Variants in KAT14 observed in about 807,000 individuals in gnomAD.
KAT14 encodes lysine acetyltransferase 14.
Under a neutral mutation model 78.4 loss-of-function variants are expected in KAT14, and 66 were observed. That is an observed-to-expected ratio of 0.84 (90% CI 0.69 to 1.03). The LOEUF is 1.03. Among genes scored for constraint, KAT14 ranks in the 50% least tolerant of loss-of-function variants. The probability of loss-of-function intolerance (pLI) is 0.00; values close to 1 mark genes in which losing one functional copy is unlikely to be tolerated. For synonymous variants in KAT14, 344 were observed against 359.4 expected (o/e 0.96, Z 0.48); for missense variants, 870 against 972.5 (o/e 0.89, Z 1.40).
At chr20:18,147,838 G>A (rs558465541) in intron 3 of KAT14, among the ~76,000 whole-genome samples, 16 of 152,214 alleles carry the variant, frequency 1.1e-4, no homozygotes, top group Admixed American at 9.2e-4. Context: ...CACCCACCTC[G>A]GCATCCCAAA....
At chr20:18,138,858 A>G (rs894593057) in intron 1 of KAT14, among the ~76,000 whole-genome samples, 2 of 152,308 alleles carry the variant, frequency 1.3e-5, no homozygotes, top group Admixed American at 6.5e-5. Flanking sequence ...TTGGGAATAC[A>G]AAGATAAGGA....
At chr20:18,153,506 G>A (rs988184590) in intron 4 of KAT14, among the ~76,000 whole-genome samples, 5 of 152,172 alleles carry the variant, frequency 3.3e-5, no homozygotes, top group Non-Finnish European at 5.9e-5. Flanking sequence ...TTCGAGTGCT[G>A]TCCTATTTAG....
At chr20:18,181,966 A>G in intron 8 of KAT14, 120 bp downstream of exon 8, 1 of 1,451,154 alleles carries the variant, frequency 6.9e-7, no homozygotes, top group Non-Finnish European at 9.2e-7. Context: ...AACATTGGCA[A>G]GGACTGAGTT....
chr20:18,144,271 G>A (rs1205216), intron 2 of KAT14, among the ~76,000 whole-genome samples: 149,911 of 152,348 alleles, frequency 0.98, 73,762 homozygotes, highest in East Asian at 1. Flanking sequence ...CTCTGTTATT[G>A]ATTTCAGGTT....
chr20:18,180,842 C>T (rs1250481173), intron 7 of KAT14, among the ~76,000 whole-genome samples: 2 of 152,186 alleles, frequency 1.3e-5, no homozygotes, highest in African/African-American at 4.8e-5. Flanking sequence ...AAATTATCTC[C>T]CACCAGGTCC....
At chr20:18,184,490 T>TTTG in intron 9 of KAT14, 112 bp from the exon 10 acceptor site, 1 of 952,920 alleles carries the variant, frequency 1.0e-6, no homozygotes. Flanking sequence ...TTGGTGTTTT[T>TTTG]TTTTTTTTTT....
At chr20:18,154,453 C>T (rs1259266632) in intron 4 of KAT14, among the ~76,000 whole-genome samples, 1 of 152,156 alleles carries the variant, frequency 6.6e-6, no homozygotes, top group Non-Finnish European at 1.5e-5. Flanking sequence ...GCTGCTACTG[C>T]ATTAAGAACT....
chr20:18,142,966 G>T (rs754854036), intron 2 of KAT14, 47 bp downstream of exon 2: 2 of 1,594,402 alleles, frequency 1.3e-6, no homozygotes, highest in African/African-American at 1.3e-5. Context: ...CTGTGTGAAG[G>T]TTTGTTTTTC....
chr20:18,175,351 G>C (rs1388254253), intron 7 of KAT14, among the ~76,000 whole-genome samples: 9 of 152,114 alleles, frequency 5.9e-5, no homozygotes, highest in African/African-American at 1.9e-4. Flanking sequence ...CCAATACGTG[G>C]CTGGCAAAGT....
At chr20:18,157,051 G>A (rs1415080543) in intron 4 of KAT14, among the ~76,000 whole-genome samples, 4 of 152,208 alleles carry the variant, frequency 2.6e-5, no homozygotes, top group South Asian at 4.2e-4. Flanking sequence ...GTAGATTTGC[G>A]AGGTCAGAGG....
intron 3 of KAT14, among the ~76,000 whole-genome samples, chr20:18,149,414 C>G (rs2037956683): frequency 6.6e-6 from 1 of 152,124 alleles, no homozygotes; most frequent in South Asian, 2.1e-4. Flanking sequence ...CTGATGTAGA[C>G]CAGATGCAGA....
At chr20:18,144,838 C>T (rs971644956) in intron 2 of KAT14, among the ~76,000 whole-genome samples, 62 of 152,184 alleles carry the variant, frequency 4.1e-4, no homozygotes, top group Non-Finnish European at 5.0e-4. Flanking sequence ...CCTGTGAGAT[C>T]AGGCACCATT....
intron 4 of KAT14, among the ~76,000 whole-genome samples, chr20:18,153,531 G>GA (rs1287968984): frequency 1.3e-5 from 2 of 152,102 alleles, no homozygotes; most frequent in African/African-American, 2.4e-5. Context: ...TTATCTCCTG[G>GA]AAAAAATTAG....
intron 2 of KAT14, 171 bp downstream of exon 2, chr20:18,143,090 T>C: frequency 7.1e-7 from 1 of 1,400,374 alleles, no homozygotes; most frequent in East Asian, 2.6e-5. Context: ...TTTGTACTAA[T>C]GAAACGTACT....
chr20:18,155,344 G>T (rs2038187936), intron 4 of KAT14, among the ~76,000 whole-genome samples: 1 of 152,084 alleles, frequency 6.6e-6, no homozygotes, highest in Non-Finnish European at 1.5e-5. Context: ...ATGTAAAAAG[G>T]TGGGGGTTTT....
At chr20:18,176,051 C>T (rs2039033827) in intron 7 of KAT14, among the ~76,000 whole-genome samples, 1 of 150,080 alleles carries the variant, frequency 6.7e-6, no homozygotes, top group Non-Finnish European at 1.5e-5. Context: ...CCCCTGTAAT[C>T]CCCACACTTT....
chr20:18,165,713 C>T (rs984652179), intron 7 of KAT14, among the ~76,000 whole-genome samples: 2 of 152,162 alleles, frequency 1.3e-5, no homozygotes, highest in African/African-American at 4.8e-5. Flanking sequence ...ACTAGGGAGT[C>T]CTGGGAAACA....
intron 9 of KAT14, among the ~76,000 whole-genome samples, chr20:18,183,841 A>C (rs146584387): frequency 2.6e-5 from 4 of 152,250 alleles, no homozygotes; most frequent in Non-Finnish European, 5.9e-5. Flanking sequence ...ACACATTTGC[A>C]TTGCTAAATA....
intron 7 of KAT14, among the ~76,000 whole-genome samples, chr20:18,173,388 G>A (rs6081020): frequency 0.12 from 18,073 of 152,190 alleles, 1,391 homozygotes; most frequent in African/African-American, 0.22. Context: ...GGTTTGCCTT[G>A]TTATCTCATG....
Sources: allele counts gnomAD v4.1 joint callset (sites outside exome capture counted in the v4.1 genomes callset), GRCh38; gene constraint gnomAD v4.1.1; transcripts MANE v1.5; gene names NCBI Gene and HGNC (gene_info 2026-07-23, HGNC 2026-07-21).